The following KLF8 variants were observed in gnomAD, a reference collection of about 807,000 sequenced individuals.
The protein encoded by KLF8 is Krueppel-like factor 8.
Under a neutral mutation model 18.2 loss-of-function variants are expected in KLF8, and 10 were observed. The ratio of observed to expected loss-of-function variants is 0.55; its 90% CI spans 0.34 to 0.93. The LOEUF is 0.93. KLF8 is among the 40% of genes least tolerant of loss of function. KLF8 has a pLI of 0.02. For synonymous variants in KLF8, 109 were observed against 97.3 expected (o/e 1.12, Z -0.71); for missense variants, 264 against 277.9 (o/e 0.95, Z 0.36).
chrX:56,264,293 CTATT>C (rs1033395114), intron 2 of KLF8, among the ~76,000 whole-genome samples: 1 of 107,554 alleles, frequency 9.3e-6, no homozygotes, highest in Non-Finnish European at 1.9e-5. Flanking sequence ...TTATTAAAAA[CTATT>C]AGTTTTTTAA....
intron 3 of KLF8, 196 bp downstream of exon 3, chrX:56,265,940 A>C: frequency 9.9e-7 from 1 of 1,010,454 alleles, no homozygotes; most frequent in Non-Finnish European, 1.3e-6. Flanking sequence ...CATGCTTCTC[A>C]AACAAGTACA....
the KLF8 span, among the ~76,000 whole-genome samples, chrX:55,929,993 A>C: frequency 2.0e-4 from 22 of 110,340 alleles, no homozygotes; most frequent in African/African-American, 6.9e-4. Flanking sequence ...TTTTCACGAT[A>C]TTGATTCTTC....
the KLF8 span, among the ~76,000 whole-genome samples, chrX:56,180,681 C>A: frequency 9.0e-6 from 1 of 110,834 alleles, no homozygotes; most frequent in African/African-American, 3.3e-5. Flanking sequence ...TCGTTGGTTT[C>A]AAAGAATGTC....
the KLF8 span, among the ~76,000 whole-genome samples, chrX:55,932,072 G>A: frequency 3.6e-5 from 4 of 110,939 alleles, no homozygotes; most frequent in African/African-American, 1.3e-4. Context: ...GTATATATAT[G>A]TAGGATAGTT....
At chrX:55,929,079 T>C in the KLF8 span, among the ~76,000 whole-genome samples, 1 of 112,688 alleles carries the variant, frequency 8.9e-6, no homozygotes, top group South Asian at 3.7e-4. Context: ...TGGTGTGAGA[T>C]GGTATCTCAT....
At chrX:55,949,876 A>T in the KLF8 span, among the ~76,000 whole-genome samples, 1 of 111,108 alleles carries the variant, frequency 9.0e-6, no homozygotes, top group African/African-American at 3.3e-5. Context: ...ATGCTCTGGG[A>T]CCCATATGTT....
Position 56,265,240 on chromosome X carries a change from T to A in KLF8, c.142T>A (p.Ser48Thr). The change falls in exon 3 of 6, where the codon TCT (serine) becomes ACT (threonine). Residue 48 changes from serine (S) to threonine (T), a missense_variant. Coordinates refer to ENST00000468660, the MANE Select transcript of KLF8 (RefSeq NM_007250.5). ...GATAGAATACAGAAGTAATATGACT[T>A]CTCCAACACTCCTGGATGCCAACCC... ...PEIEYRSNMT[S>T]PTLLDANPME... 8.3e-7 allele frequency: 1 copy of A among 1,209,269 alleles called. No homozygotes were observed. The highest frequency in any genetic ancestry group is 1.8e-5 in the South Asian group (1 of 56,656).
chrX:55,945,136 T>C, the KLF8 span, among the ~76,000 whole-genome samples: 45 of 110,977 alleles, frequency 4.1e-4, no homozygotes, highest in African/African-American at 1.4e-3. Context: ...TGTAGTTGAG[T>C]GGTTTTGAGT....
chrX:56,023,469 C>T, the KLF8 span, among the ~76,000 whole-genome samples: 434 of 111,514 alleles, frequency 3.9e-3, 3 homozygotes, highest in African/African-American at 0.013. Context: ...AATATCATGG[C>T]CAAAGTGGCT....
At chrX:56,144,321 GAAC>G in the KLF8 span, among the ~76,000 whole-genome samples, 1 of 110,282 alleles carries the variant, frequency 9.1e-6, no homozygotes, top group Non-Finnish European at 1.9e-5. Context: ...CAAATAAATT[GAAC>G]ATCATCAAAA....
the KLF8 span, among the ~76,000 whole-genome samples, chrX:56,157,793 C>T: frequency 9.0e-6 from 1 of 111,392 alleles, no homozygotes; most frequent in African/African-American, 3.3e-5. Context: ...GATATTAGCC[C>T]TTTGTCAGAT....
chrX:56,145,217 A>C, the KLF8 span, among the ~76,000 whole-genome samples: 1 of 112,311 alleles, frequency 8.9e-6, no homozygotes, highest in African/African-American at 3.2e-5. Context: ...GCACATGAAA[A>C]GATGCTCAAC....
At chrX:56,055,528 A>T in the KLF8 span, among the ~76,000 whole-genome samples, 1 of 111,581 alleles carries the variant, frequency 9.0e-6, no homozygotes. Context: ...GGAGAATCTG[A>T]TGATTATGTT....
At chrX:56,137,477 T>C in the KLF8 span, among the ~76,000 whole-genome samples, 1 of 105,047 alleles carries the variant, frequency 9.5e-6, no homozygotes, top group Non-Finnish European at 1.9e-5. Flanking sequence ...AAATTGGAAA[T>C]CATCATTCTC....
At chrX:56,048,724 T>C in the KLF8 span, among the ~76,000 whole-genome samples, 1 of 111,912 alleles carries the variant, frequency 8.9e-6, no homozygotes, top group Non-Finnish European at 1.9e-5. Context: ...TTTGTTCTTT[T>C]GGCTTAGGAT....
the KLF8 span, among the ~76,000 whole-genome samples, chrX:56,183,983 C>A: frequency 9.0e-6 from 1 of 110,883 alleles, no homozygotes; most frequent in African/African-American, 3.3e-5. Flanking sequence ...ATCTGAGGTA[C>A]CAGGATCATC....
chrX:56,187,080 T>C, the KLF8 span, among the ~76,000 whole-genome samples: 1,314 of 111,096 alleles, frequency 0.012, 26 homozygotes, highest in African/African-American at 0.041. Flanking sequence ...TTAATGAATC[T>C]AGGAGCTGGT....
At chrX:56,203,018 G>T in the KLF8 span, among the ~76,000 whole-genome samples, 1 of 111,012 alleles carries the variant, frequency 9.0e-6, no homozygotes, top group Non-Finnish European at 1.9e-5. Context: ...CTTCATAGTG[G>T]TTGTACTAAT....
rs1180976562 is a variant in KLF8, at chrX:56,289,048, T to TA, written c.*4554_*4555insA. 8.9e-6 allele frequency among the ~76,000 whole-genome samples: 1 copy of TA among 112,492 alleles called. No homozygotes were observed. Among genetic ancestry groups the TA allele is most frequent in the Non-Finnish European group, 1.9e-5 (1 of 53,329 alleles). On this transcript the variant is annotated 3_prime_UTR_variant, in exon 6 of 6. Transcript: ENST00000468660. ...GAGCATGTATCTTACATAAATTATTTGGAATTATTCTCTAAGGGAGATTGT... is the reference window on the plus strand; with the variant it reads ...GAGCATGTATCTTACATAAATTATTTAGGAATTATTCTCTAAGGGAGATTGT...
Sources: gnomAD v4.1 joint callset for allele counts (sites outside exome capture counted in the v4.1 genomes callset) on GRCh38, gnomAD v4.1.1 for gene constraint, MANE v1.5 for transcripts, NCBI Gene and HGNC (gene_info 2026-07-23, HGNC 2026-07-21) for gene names.